The following PCDHGA1 variants were observed in gnomAD, a reference collection of about 807,000 sequenced individuals.
PCDHGA1 encodes protocadherin gamma-A1.
Under a neutral mutation model 58.0 loss-of-function variants are expected in PCDHGA1, and 32 were observed. The ratio of observed to expected loss-of-function variants is 0.55; its 90% CI spans 0.42 to 0.74. The LOEUF (loss-of-function observed/expected upper bound fraction) is 0.74. Ranked by LOEUF, PCDHGA1 falls within the 30% of genes least tolerant of loss-of-function variation. The pLI is 0.00. For missense variants in PCDHGA1, 1,205 were observed against 1,182.3 expected (o/e 1.02, Z -0.28); for synonymous variants, 498 against 501.1 (o/e 0.99, Z 0.08).
chr5:141,370,879 T>G lies in PCDHGA1; in HGVS notation c.2421+37774T>G, dbSNP rs760679770. 18 of 1,613,950 alleles carry G rather than the reference T, an allele frequency of 1.1e-5. No individual in the cohort carries two copies. The highest frequency in any genetic ancestry group is 1.4e-5 in the Non-Finnish European group (17 of 1,179,914). On this transcript the variant is annotated intron_variant, in intron 1 of 3. Coordinates refer to ENST00000517417, the MANE Select transcript of PCDHGA1 (RefSeq NM_018912.3). ...CTGGAATCTGCGCAAGATCCTGATGTAGGTGTCAATTCGCTGCAGCAGTAC... is the reference window on the plus strand; with the variant it reads ...CTGGAATCTGCGCAAGATCCTGATGGAGGTGTCAATTCGCTGCAGCAGTAC...
chr5:141,370,558 G>A (rs1191020056), intron 1 of PCDHGA1: 3 of 1,613,818 alleles, frequency 1.9e-6, no homozygotes, highest in Admixed American at 3.3e-5. Flanking sequence ...AAGGACCTGG[G>A]GTTTGGCGTG....
intron 1 of PCDHGA1, among the ~76,000 whole-genome samples, chr5:141,369,005 A>C (rs944687399): frequency 6.6e-6 from 1 of 152,216 alleles, no homozygotes; most frequent in Non-Finnish European, 1.5e-5. Context: ...TGTGGAACTC[A>C]TTGCTTATTG....
chr5:141,355,797 T>G (rs1425654380), intron 1 of PCDHGA1: 1 of 1,613,522 alleles, frequency 6.2e-7, no homozygotes, highest in African/African-American at 1.3e-5. Context: ...TGGAACGCGC[T>G]CTAGATCGCG....
intron 1 of PCDHGA1, chr5:141,420,437 T>G (rs2096496377): frequency 4.5e-6 from 5 of 1,109,618 alleles, no homozygotes; most frequent in Admixed American, 3.7e-5. Context: ...TTAAATTAAA[T>G]GCCTCAGTCT....
chr5:141,361,729 C>G (rs1762153939), intron 1 of PCDHGA1: 1 of 1,613,138 alleles, frequency 6.2e-7, no homozygotes, highest in Non-Finnish European at 8.5e-7. Flanking sequence ...CGAGCTCACA[C>G]TGCAGGCCCG....
At chr5:141,448,069 T>G (rs1184496754) in intron 1 of PCDHGA1, among the ~76,000 whole-genome samples, 1 of 151,202 alleles carries the variant, frequency 6.6e-6, no homozygotes, top group African/African-American at 2.4e-5. Context: ...CTGGGCAACA[T>G]GAACGAAATG....
At chr5:141,510,311 C>T (rs375516156) in intron 3 of PCDHGA1, among the ~76,000 whole-genome samples, 98 of 151,056 alleles carry the variant, frequency 6.5e-4, no homozygotes, top group African/African-American at 2.3e-3. Flanking sequence ...GAAATGGAGG[C>T]TTGGAAGAGC....
chr5:141,338,533 T>C (rs1756760296), intron 1 of PCDHGA1, among the ~76,000 whole-genome samples: 1 of 152,214 alleles, frequency 6.6e-6, no homozygotes, highest in Admixed American at 6.5e-5. Context: ...ATTATCAAGA[T>C]CATGTTCATT....
chr5:141,399,699 C>A lies in PCDHGA1; in HGVS notation c.2421+66594C>A, dbSNP rs555724833. ...TTGACTACGAGCAGCTGCGCACCTT[C>A]GAACTCACACTACAGGCCCGCGACC... On this transcript the variant is annotated intron_variant, in intron 1 of 3. Coordinates refer to ENST00000517417, the MANE Select transcript of PCDHGA1 (RefSeq NM_018912.3). The A allele has an allele frequency of 1.9e-6, 3 of 1,613,476 alleles. No homozygotes were observed. In the East Asian group the frequency reaches 6.7e-5, roughly 36 times the overall value.
intron 1 of PCDHGA1, chr5:141,419,333 A>T (rs1219255880): frequency 6.2e-7 from 1 of 1,613,804 alleles, no homozygotes; most frequent in South Asian, 1.1e-5. Context: ...CTACTCTCTC[A>T]TTGCCAGCGA....
chr5:141,468,820 C>G (rs1055751689), intron 1 of PCDHGA1, among the ~76,000 whole-genome samples: 1 of 151,830 alleles, frequency 6.6e-6, no homozygotes, highest in Non-Finnish European at 1.5e-5. Context: ...GAGCCAAGAT[C>G]AAGCCACTGC....
chr5:141,460,430 G>T (rs1163518139), intron 1 of PCDHGA1, among the ~76,000 whole-genome samples: 2 of 152,110 alleles, frequency 1.3e-5, no homozygotes, highest in African/African-American at 4.8e-5. Flanking sequence ...ATGGTGTATG[G>T]TGTGAGGTAA....
intron 2 of PCDHGA1, among the ~76,000 whole-genome samples, chr5:141,504,802 C>G (rs370355030): frequency 6.6e-6 from 1 of 152,030 alleles, no homozygotes; most frequent in East Asian, 1.9e-4. Context: ...ACATCTCCCC[C>G]TAGGTACCTC....
At position 141,471,055 on chromosome 5, in the gene PCDHGA1, T is replaced by C. The variant is rs1229791864; in HGVS notation, c.2422-23752T>C. Reference sequence around the variant, plus strand: ...AACAAGCCCAAGCCCTCTTTTTTTTTTTTTTTTTTTTGAGACAGGGTCTCC... The same window carrying C: ...AACAAGCCCAAGCCCTCTTTTTTTTCTTTTTTTTTTTGAGACAGGGTCTCC... On this transcript the variant is annotated intron_variant, in intron 1 of 3. Coordinates refer to ENST00000517417, the MANE Select transcript of PCDHGA1 (RefSeq NM_018912.3). Among the ~76,000 whole-genome samples the C allele has an allele frequency of 1.7e-4, 25 of 148,764 alleles. 2 individuals are homozygous for C. The Admixed American group carries it at 1.7e-3, about 10-fold the overall frequency.
chr5:141,431,768 G>T lies in PCDHGA1; in HGVS notation c.2422-63039G>T. 6.2e-7 allele frequency: 1 copy of T among 1,614,218 alleles called. No individual in the cohort carries two copies. The highest frequency in any genetic ancestry group is 8.5e-7 in the Non-Finnish European group (1 of 1,180,036). On this transcript the variant is annotated intron_variant, in intron 1 of 3. Coordinates refer to ENST00000517417, the MANE Select transcript of PCDHGA1 (RefSeq NM_018912.3). The surrounding 1 kb of genome is among the most constrained non-coding windows in gnomAD (Gnocchi z 4.8). ...TGCGCGAGCCAAAGTCCTGATCACT[G>T]TTCTGGACGTGAACGACAATGCCCC...
chr5:141,348,422 C>A (rs1294192949), intron 1 of PCDHGA1, among the ~76,000 whole-genome samples: 1 of 151,974 alleles, frequency 6.6e-6, no homozygotes, highest in African/African-American at 2.4e-5. Context: ...AGGCACGTAA[C>A]TTTTAACATA....
At position 141,330,735 on chromosome 5, in the gene PCDHGA1, T is replaced by C; in HGVS notation, c.51T>C (p.Cys17=). 1.2e-6 allele frequency: 2 copies of C among 1,613,784 alleles called. No homozygotes were observed. Among genetic ancestry groups the C allele is most frequent in the Non-Finnish European group, 8.5e-7 (1 of 1,179,702 alleles). The change falls in exon 1 of 4, where the codon TGT becomes TGC. Residue 17 remains cysteine, a synonymous_variant. Transcript: ENST00000517417. ...GCTGCAGCAGGCTGATGCTTCTGTG[T>C]CTTTCTCTGGAGCTGCTGTTGGAAG... is the stretch of plus-strand genomic sequence containing the variant. ...LTGCSRLMLL[C]LSLELLLEAG... is the part of the protein sequence containing the mutation.
chr5:141,373,280 A>C (rs1187870137), intron 1 of PCDHGA1, among the ~76,000 whole-genome samples: 2 of 152,242 alleles, frequency 1.3e-5, no homozygotes, highest in African/African-American at 2.4e-5. Flanking sequence ...GATGTTGCCT[A>C]TGTCAGGGCA....
chr5:141,499,029 A>AAGGAAGGAAGG lies in PCDHGA1; in HGVS notation c.2480+4165_2480+4166insGGAAGGAAGGA, dbSNP rs1562187768. ...GGAAGGAAGGAAGGAAGGAAGGAAG[A>AAGGAAGGAAGG]AAAGAAAGAAAAAGGGAGAAAAAAT... On this transcript the variant is annotated intron_variant, in intron 2 of 3. Transcript: ENST00000517417. 4.1e-4 allele frequency among the ~76,000 whole-genome samples: 57 copies of AAGGAAGGAAGG among 140,074 alleles called. 2 individuals are homozygous for AAGGAAGGAAGG. Among genetic ancestry groups the AAGGAAGGAAGG allele is most frequent in the African/African-American group, 1.4e-3 (52 of 36,074 alleles). 91.9% of individuals were successfully genotyped at this position (140,074 alleles called of 152,430 possible).
Sources: gnomAD v4.1 joint callset for allele counts (sites outside exome capture counted in the v4.1 genomes callset) on GRCh38, gnomAD v4.1.1 for gene constraint, Gnocchi (gnomAD v3.1) non-coding constraint, MANE v1.5 for transcripts, NCBI Gene and HGNC (gene_info 2026-07-23, HGNC 2026-07-21) for gene names.